The following EXOSC3 variants were observed in gnomAD, a reference collection of about 807,000 sequenced individuals.
The protein encoded by EXOSC3 is exosome complex component RRP40.
Under a neutral mutation model 25.1 loss-of-function variants are expected in EXOSC3, and 18 were observed. The ratio of observed to expected loss-of-function variants is 0.72; its 90% confidence interval spans 0.50 to 1.06. The LOEUF (loss-of-function observed/expected upper bound fraction) is 1.06. Among genes scored for constraint, EXOSC3 ranks in the 50% least tolerant of loss-of-function variants. EXOSC3 has a pLI of 0.00. For missense variants in EXOSC3, 382 were observed against 350.9 expected (o/e 1.09, Z -0.71); for synonymous variants, 165 against 132.2 (o/e 1.25, Z -1.70).
In EXOSC3 at chr9:37,779,853, G is replaced by A. The variant is rs1469860152; in HGVS notation, c.*826C>T. ...AATCACTGATGTGGATCACCTGGCA[G>A]TCTCTTTACCTCTAAAGGTTTTGGT... On this transcript the variant is annotated 3_prime_UTR_variant, in exon 4 of 4. Transcript: ENST00000327304. 2 of 152,164 alleles carry A rather than the reference G, an allele frequency of 1.3e-5. No individual in the cohort carries two copies. Among genetic ancestry groups the A allele is most frequent in the Non-Finnish European group, 2.9e-5 (2 of 68,018 alleles). The allele number at this position is 152,164 out of a possible 1,614,324, so 9.4% of individuals were successfully genotyped here.
Position 37,780,060 on chromosome 9 carries a change from G to A in EXOSC3, c.*619C>T, listed in dbSNP as rs183298591. 9.2e-5 allele frequency: 14 copies of A among 152,300 alleles called. No individual in the cohort carries two copies. The highest frequency in any genetic ancestry group is 3.1e-4 in the African/African-American group (13 of 41,530). 9.4% of individuals were successfully genotyped at this position (152,300 alleles called of 1,614,324 possible). ...CTAAAGTTGTGAAATGTATCATGCT[G>A]TTTGAAGTAGACAAAAGTATATTAC... On this transcript the variant is annotated 3_prime_UTR_variant, in exon 4 of 4. Coordinates refer to ENST00000327304, the MANE Select transcript of EXOSC3 (RefSeq NM_016042.4).
intron 2 of EXOSC3, among the ~76,000 whole-genome samples, chr9:37,783,304 A>G (rs985238287): frequency 6.6e-6 from 1 of 152,202 alleles, no homozygotes; most frequent in Non-Finnish European, 1.5e-5. Context: ...TGAAGCCTGA[A>G]CTTGTGGAGA....
upstream of EXOSC3, chr9:37,785,066 T>C (rs978807823): frequency 1.3e-6 from 2 of 1,575,912 alleles, no homozygotes; most frequent in Non-Finnish European, 1.7e-6. Context: ...CCAAACACCG[T>C]TTCCGGTACC....
intron 3 of EXOSC3, chr9:37,781,693 C>T (rs953169825): frequency 6.8e-6 from 2 of 295,828 alleles, no homozygotes; most frequent in African/African-American, 4.4e-5. Context: ...CACATTTGGG[C>T]TAAGTCAAAT....
intron 3 of EXOSC3, 187 bp downstream of exon 3, chr9:37,781,799 A>T (rs926697000): frequency 1.4e-5 from 9 of 645,214 alleles, no homozygotes; most frequent in Non-Finnish European, 1.8e-5. Context: ...AACACATCTG[A>T]ATTTGATATG....
At chr9:37,781,010 C>T (rs1828583413) in intron 3 of EXOSC3, 130 bp from the exon 4 acceptor site, 4 of 714,840 alleles carry the variant, frequency 5.6e-6, no homozygotes, top group African/African-American at 5.4e-5. Flanking sequence ...CACGTGATGA[C>T]ATTTGCTGCC....
intron 2 of EXOSC3, among the ~76,000 whole-genome samples, chr9:37,783,638 C>T (rs1047122706): frequency 2.6e-5 from 4 of 152,016 alleles, no homozygotes; most frequent in African/African-American, 4.8e-5. Flanking sequence ...CAAATAATGG[C>T]GATGATAGAT....
chr9:37,782,379 C>T (rs547141617), intron 2 of EXOSC3, among the ~76,000 whole-genome samples: 249 of 152,344 alleles, frequency 1.6e-3, no homozygotes, highest in African/African-American at 5.4e-3. Flanking sequence ...CCAGAGAACA[C>T]TAGGATTGCA....
intron 1 of EXOSC3, 107 bp downstream of exon 1, chr9:37,784,614 G>T: frequency 1.6e-6 from 2 of 1,263,884 alleles, no homozygotes; most frequent in Non-Finnish European, 2.1e-6. Flanking sequence ...CTCTAGGTTT[G>T]CCTGAACAAA....
chr9:37,782,201 T>C (rs1828611808), intron 2 of EXOSC3, 64 bp from the exon 3 acceptor site: 3 of 1,569,336 alleles, frequency 1.9e-6, no homozygotes, highest in Non-Finnish European at 2.6e-6. Flanking sequence ...CTATTGGTTC[T>C]TTCTCACAGG....
Position 37,785,057 on chromosome 9 carries a change from C to T in EXOSC3, c.-13G>A. On this transcript the variant is annotated 5_prime_UTR_variant, in exon 1 of 4. Coordinates refer to ENST00000327304, the MANE Select transcript of EXOSC3 (RefSeq NM_016042.4). ...CAGGTTCGGCCATCGCGGGCTCCAC[C>T]AAACACCGTTTCCGGTACCCGCCTT... 1.3e-6 allele frequency: 2 copies of T among 1,585,450 alleles called. No individual in the cohort carries two copies. Among genetic ancestry groups the T allele is most frequent in the South Asian group, 2.2e-5 (2 of 89,216 alleles).
Position 37,781,804 on chromosome 9 carries a change from GAT to G in EXOSC3, c.626+180_626+181del, listed in dbSNP as rs1313983167. 4.7e-5 allele frequency: 31 copies of G among 656,984 alleles called. 1 individual carries two copies. Among genetic ancestry groups the G allele is most frequent in the East Asian group, 2.3e-4 (8 of 35,050 alleles). 40.7% of individuals were successfully genotyped at this position (656,984 alleles called of 1,614,324 possible). On this transcript the variant is annotated intron_variant, in intron 3 of 3. Transcript: ENST00000327304. Reference sequence around the variant, plus strand: ...TACACAGCCAAACACATCTGAATTTGATATGTTTCCAAGAAGATAGGATTAAA... The same window carrying G: ...TACACAGCCAAACACATCTGAATTTGATGTTTCCAAGAAGATAGGATTAAA...
At position 37,785,046 on chromosome 9, in the gene EXOSC3, G is replaced by T; in HGVS notation, c.-2C>A. The T allele has an allele frequency of 1.9e-6, 3 of 1,593,238 alleles. No homozygotes were observed. Among genetic ancestry groups the T allele is most frequent in the Non-Finnish European group, 1.7e-6 (2 of 1,168,828 alleles). On this transcript the variant is annotated 5_prime_UTR_variant, in exon 1 of 4. Coordinates refer to ENST00000327304, the MANE Select transcript of EXOSC3 (RefSeq NM_016042.4). Reference sequence around the variant, plus strand: ...CGCGACAGACGCAGGTTCGGCCATCGCGGGCTCCACCAAACACCGTTTCCG... The same window carrying T: ...CGCGACAGACGCAGGTTCGGCCATCTCGGGCTCCACCAAACACCGTTTCCG...
In EXOSC3 at chr9:37,782,107, C is replaced by T; in HGVS notation, c.505G>A (p.Val169Ile). The T allele has an allele frequency of 1.2e-6, 2 of 1,614,044 alleles. No individual in the cohort carries two copies. The highest frequency in any genetic ancestry group is 1.7e-6 in the Non-Finnish European group (2 of 1,179,934). Reference protein sequence around the residue: ...VGDLIYGQFVVANKDMEPEMV... With the variant: ...VGDLIYGQFVIANKDMEPEMV... ...TCTGGTTCCATGTCTTTATTAGCAA[C>T]CACAAACTGGCCATAGATGAGATCT... The change falls in exon 3 of 4, where the codon GTT becomes ATT. Residue 169 changes from valine to isoleucine, a missense_variant. Physicochemically the swap from Val to Ile is conservative, Grantham distance 29. Coordinates refer to ENST00000327304, the MANE Select transcript of EXOSC3 (RefSeq NM_016042.4).
Position 37,783,971 on chromosome 9 carries a change from A to G in EXOSC3, c.417T>C (p.Ala139=), listed in dbSNP as rs1218765021. 1.2e-6 allele frequency: 2 copies of G among 1,613,948 alleles called. No individual in the cohort carries two copies. Among genetic ancestry groups the G allele is most frequent in the Middle Eastern group, 1.7e-4 (1 of 5,866 alleles). ...CTTCAAATGACAAGTAAGACAAAGA[A>G]GCTGGCTCACTCCCTCCAACATCAA... The part of the protein sequence containing the change: ...FKVDVGGSEP[A]SLSYLSFEGA... Residue 139 remains alanine, a synonymous_variant, in exon 2 of 4, where the codon GCT becomes GCC. Transcript: ENST00000327304.
chr9:37,781,491 CTGCCTCAGCATGAACCTCAGTA>C (rs1828595117), intron 3 of EXOSC3, among the ~76,000 whole-genome samples: 1 of 151,540 alleles, frequency 6.6e-6, no homozygotes, highest in Non-Finnish European at 1.5e-5. Flanking sequence ...AAAAGAGAAT[CTGCCTCAGCATGAACCTCAGTA>C]TGCCTCAGTA....
At chr9:37,783,870 G>A (rs770631226) in intron 2 of EXOSC3, 44 bp downstream of exon 2, 2 of 1,594,906 alleles carry the variant, frequency 1.3e-6, no homozygotes, top group Non-Finnish European at 1.7e-6. Flanking sequence ...GTGTTCTAGG[G>A]AATGGATGTT....
chr9:37,782,251 T>C, intron 2 of EXOSC3, 114 bp from the exon 3 acceptor site: 2 of 1,084,434 alleles, frequency 1.8e-6, no homozygotes, highest in Non-Finnish European at 1.3e-6. Context: ...GCTAAGGGAC[T>C]GACTGCACTA....
At chr9:37,783,796 T>G (rs1019127059) in intron 2 of EXOSC3, 118 bp downstream of exon 2, 1 of 1,047,586 alleles carries the variant, frequency 9.5e-7, no homozygotes, top group Non-Finnish European at 1.3e-6. Context: ...GGGGCAATTA[T>G]ATACAAGCTC....
Sources: gnomAD v4.1 joint callset for allele counts (sites outside exome capture counted in the v4.1 genomes callset) on GRCh38, gnomAD v4.1.1 for gene constraint, MANE v1.5 for transcripts, NCBI Gene and HGNC (gene_info 2026-07-23, HGNC 2026-07-21) for gene names.